TMEM177: variants seen among roughly 807,000 people sequenced by gnomAD.
TMEM177 encodes the protein transmembrane protein 177.
In TMEM177, 4 loss-of-function variants were observed where a neutral mutation model predicts 14.2. The observed-to-expected ratio is 0.28, with a 90% confidence interval of 0.14 to 0.64. The LOEUF is 0.64. Among genes scored for constraint, TMEM177 ranks in the 30% least tolerant of loss-of-function variants. The probability of loss-of-function intolerance (pLI) is 0.82; values close to 1 mark genes in which losing one functional copy is unlikely to be tolerated. For missense variants in TMEM177, 344 were observed against 405.2 expected, an observed-to-expected ratio of 0.85 and a Z score of 1.30; for synonymous variants, 179 against 174.5, an observed-to-expected ratio of 1.03 and a Z score of -0.20.
the TMEM177 span, among the ~76,000 whole-genome samples, chr2:119,717,077 A>G: frequency 2.0e-5 from 3 of 152,260 alleles, no homozygotes; most frequent in Non-Finnish European, 4.4e-5. Flanking sequence ...GCTTTTGCCA[A>G]GATCCGATTC....
chr2:119,688,865 C>G (rs1182493979), downstream of TMEM177, among the ~76,000 whole-genome samples: 2 of 152,192 alleles, frequency 1.3e-5, no homozygotes, highest in African/African-American at 4.8e-5. Context: ...GACTGACAGC[C>G]CCAGCTGCTG....
At chr2:119,695,902 C>G in the TMEM177 span, among the ~76,000 whole-genome samples, 2 of 152,184 alleles carry the variant, frequency 1.3e-5, no homozygotes, top group African/African-American at 2.4e-5. Context: ...CCTTGGGAAG[C>G]CTCAGCAGCA....
chr2:119,719,236 A>T, the TMEM177 span, among the ~76,000 whole-genome samples: 1 of 151,490 alleles, frequency 6.6e-6, no homozygotes, highest in Admixed American at 6.6e-5. Flanking sequence ...AGGTGACAAC[A>T]CTCCTGAGCT....
the TMEM177 span, among the ~76,000 whole-genome samples, chr2:119,708,425 T>C: frequency 1.3e-5 from 2 of 152,196 alleles, no homozygotes; most frequent in African/African-American, 4.8e-5. Context: ...ACACCCGTGT[T>C]CACAAATTAA....
chr2:119,708,794 T>A, the TMEM177 span, among the ~76,000 whole-genome samples: 1 of 152,018 alleles, frequency 6.6e-6, no homozygotes, highest in African/African-American at 2.4e-5. Flanking sequence ...GCACACACCC[T>A]CTCCTCCCTT....
At chr2:119,685,843 T>C, downstream of TMEM177, 2 of 618,088 alleles carry the variant, frequency 3.2e-6, no homozygotes, top group Non-Finnish European at 2.9e-6. Flanking sequence ...CCATAGCCCT[T>C]TTCCTCATGC....
At chr2:119,711,491 C>A in the TMEM177 span, among the ~76,000 whole-genome samples, 1 of 152,178 alleles carries the variant, frequency 6.6e-6, no homozygotes, top group Non-Finnish European at 1.5e-5. Context: ...GAACTGCAGC[C>A]TTCAGAAAGC....
the TMEM177 span, among the ~76,000 whole-genome samples, chr2:119,696,066 G>C: frequency 1.3e-5 from 2 of 152,200 alleles, no homozygotes; most frequent in African/African-American, 2.4e-5. Context: ...CTAGGGAGAG[G>C]CGCAAGGGGC....
At chr2:119,683,854 C>T (rs1484588763), downstream of TMEM177, among the ~76,000 whole-genome samples, 1 of 152,184 alleles carries the variant, frequency 6.6e-6, no homozygotes, top group Non-Finnish European at 1.5e-5. Context: ...CACCTCAGGC[C>T]CTCCCACTGA....
chr2:119,716,318 C>T, the TMEM177 span, among the ~76,000 whole-genome samples: 14 of 152,316 alleles, frequency 9.2e-5, no homozygotes, highest in Middle Eastern at 3.4e-3. Flanking sequence ...TCCCCAGACC[C>T]GAAAGCACTG....
chr2:119,695,421 C>G, the TMEM177 span, among the ~76,000 whole-genome samples: 1 of 152,252 alleles, frequency 6.6e-6, no homozygotes, highest in Non-Finnish European at 1.5e-5. Context: ...CCTTGTCTGT[C>G]TCTCCCAACT....
At chr2:119,720,152 T>C in the TMEM177 span, among the ~76,000 whole-genome samples, 3 of 152,062 alleles carry the variant, frequency 2.0e-5, no homozygotes, top group Non-Finnish European at 4.4e-5. Flanking sequence ...TTTAAAAATA[T>C]CAAAATTTTA....
At chr2:119,720,295 A>G in the TMEM177 span, among the ~76,000 whole-genome samples, 2 of 149,600 alleles carry the variant, frequency 1.3e-5, no homozygotes. Flanking sequence ...TTTTTTTGAG[A>G]CGGAGTTTCC....
chr2:119,721,696 G>A, the TMEM177 span, among the ~76,000 whole-genome samples: 2 of 152,190 alleles, frequency 1.3e-5, no homozygotes, highest in African/African-American at 4.8e-5. Context: ...TCATATTACA[G>A]TACACCAGTT....
chr2:119,689,128 T>C (rs555392059), downstream of TMEM177, among the ~76,000 whole-genome samples: 5 of 152,268 alleles, frequency 3.3e-5, no homozygotes, highest in African/African-American at 1.2e-4. Context: ...CCCCTCCTTC[T>C]TTGTCCTTCA....
chr2:119,689,177 C>T (rs578141021), downstream of TMEM177, among the ~76,000 whole-genome samples: 13 of 152,306 alleles, frequency 8.5e-5, no homozygotes, highest in East Asian at 2.5e-3. Context: ...TCATGCAATC[C>T]TGTCTTTGTG....
chr2:119,720,264 T>C, the TMEM177 span, among the ~76,000 whole-genome samples: 1 of 152,158 alleles, frequency 6.6e-6, no homozygotes, highest in African/African-American at 2.4e-5. Flanking sequence ...AAAATTTTGA[T>C]ATTTTATTCC....
At chr2:119,683,831 G>A (rs1574270235), downstream of TMEM177, among the ~76,000 whole-genome samples, 1 of 152,290 alleles carries the variant, frequency 6.6e-6, no homozygotes, top group East Asian at 1.9e-4. Flanking sequence ...GTCCTCCACA[G>A]CCCGGCTCAG....
At chr2:119,700,850 G>A in the TMEM177 span, among the ~76,000 whole-genome samples, 1 of 152,202 alleles carries the variant, frequency 6.6e-6, no homozygotes. Context: ...CCTCTTTCAT[G>A]AATAGGTAAC....
Sources: gnomAD v4.1 joint callset for allele counts (sites outside exome capture counted in the v4.1 genomes callset) on GRCh38, gnomAD v4.1.1 for gene constraint, MANE v1.5 for transcripts, NCBI Gene and HGNC (gene_info 2026-07-23, HGNC 2026-07-21) for gene names.